ETV6: variants seen among roughly 807,000 people sequenced by gnomAD.
The protein encoded by ETV6 is ETS variant transcription factor 6.
Under a neutral mutation model 51.1 loss-of-function variants are expected in ETV6, and 16 were observed. The ratio of observed to expected loss-of-function variants is 0.31; its 90% CI spans 0.21 to 0.48. The LOEUF is 0.48. Among genes scored for constraint, ETV6 ranks in the 20% least tolerant of loss-of-function variants. ETV6 has a pLI of 0.99. For synonymous variants in ETV6, 240 were observed against 224.1 expected (o/e 1.07, Z -0.64); for missense variants, 458 against 594.8 (o/e 0.77, Z 2.39).
At chr12:11,828,425 A>T (rs915607343) in intron 2 of ETV6, among the ~76,000 whole-genome samples, 1 of 152,218 alleles carries the variant, frequency 6.6e-6, no homozygotes, top group Non-Finnish European at 1.5e-5. Context: ...AAGTGAGAAG[A>T]GGGCACCCTT....
chr12:11,680,786 C>T (rs1337514796), intron 1 of ETV6, among the ~76,000 whole-genome samples: 1 of 152,200 alleles, frequency 6.6e-6, no homozygotes, highest in African/African-American at 2.4e-5. Flanking sequence ...AAGCAGCCCT[C>T]TCCCTAGCCT....
chr12:11,681,555 C>T (rs1418921991), intron 1 of ETV6, among the ~76,000 whole-genome samples: 6 of 151,992 alleles, frequency 3.9e-5, no homozygotes, highest in South Asian at 2.1e-4. Context: ...TAAATTCTCA[C>T]GTTTTATTTA....
At chr12:11,804,043 C>G (rs555966132) in intron 2 of ETV6, among the ~76,000 whole-genome samples, 52 of 152,260 alleles carry the variant, frequency 3.4e-4, no homozygotes, top group African/African-American at 1.2e-3. Flanking sequence ...GAACTTTGGA[C>G]TCTTTGACAG....
At chr12:11,789,917 C>T (rs150625539) in intron 2 of ETV6, among the ~76,000 whole-genome samples, 165 of 152,262 alleles carry the variant, frequency 1.1e-3, no homozygotes, top group African/African-American at 3.9e-3. Flanking sequence ...TGTGCTAATC[C>T]TGATGCTCTT....
At chr12:11,863,644 AT>A (rs1946747966) in intron 4 of ETV6, among the ~76,000 whole-genome samples, 1 of 152,176 alleles carries the variant, frequency 6.6e-6, no homozygotes, top group South Asian at 2.1e-4. Context: ...GACCAAAAAA[AT>A]CTTCTTGTTT....
At chr12:11,667,542 T>TTC (rs1864217582) in intron 1 of ETV6, among the ~76,000 whole-genome samples, 1 of 151,806 alleles carries the variant, frequency 6.6e-6, no homozygotes, top group African/African-American at 2.4e-5. Flanking sequence ...ATTTTCTTTT[T>TTC]TTTTTTTTTA....
intron 3 of ETV6, among the ~76,000 whole-genome samples, chr12:11,849,250 A>G (rs1459974573): frequency 6.6e-6 from 1 of 151,962 alleles, no homozygotes; most frequent in African/African-American, 2.4e-5. Flanking sequence ...AGCCGGGACA[A>G]TGGGCACGCA....
At chr12:11,775,486 A>G (rs1351963963) in intron 2 of ETV6, among the ~76,000 whole-genome samples, 1 of 152,216 alleles carries the variant, frequency 6.6e-6, no homozygotes, top group Non-Finnish European at 1.5e-5. Context: ...TTGTATTTAC[A>G]TCTTCAGCAA....
chr12:11,858,541 C>G (rs1946666106), intron 4 of ETV6, among the ~76,000 whole-genome samples: 3 of 152,148 alleles, frequency 2.0e-5, no homozygotes, highest in Admixed American at 2.0e-4. Flanking sequence ...CAGAATCACC[C>G]CATGGGACTG....
Position 11,735,290 on chromosome 12 carries a change from A to G in ETV6, c.34-17160A>G, listed in dbSNP as rs1034423791. On this transcript the variant is annotated intron_variant, in intron 1 of 7. Coordinates refer to ENST00000396373, the MANE Select transcript of ETV6 (RefSeq NM_001987.5). ...GATAGAATAGGGTCACAGACCCCCA[A>G]TTGTATAAGCCTTTGGCTTCTTGAT... 6.6e-5 allele frequency among the ~76,000 whole-genome samples: 10 copies of G among 152,078 alleles called. No homozygotes were observed. The South Asian group carries it at 1.0e-3, about 16-fold the overall frequency.
chr12:11,729,423 G>C (rs574090512), intron 1 of ETV6, among the ~76,000 whole-genome samples: 17 of 152,294 alleles, frequency 1.1e-4, no homozygotes, highest in African/African-American at 3.4e-4. Context: ...GATCAGGTGG[G>C]GGGGACTGGG....
At chr12:11,800,372 C>G (rs1945728999) in intron 2 of ETV6, among the ~76,000 whole-genome samples, 2 of 152,178 alleles carry the variant, frequency 1.3e-5, no homozygotes, top group Admixed American at 1.3e-4. Context: ...CTAGATCAAG[C>G]TAATTAACAT....
chr12:11,775,622 C>T (rs1392356704), intron 2 of ETV6, among the ~76,000 whole-genome samples: 1 of 152,200 alleles, frequency 6.6e-6, no homozygotes, highest in Non-Finnish European at 1.5e-5. Flanking sequence ...ACTCCACCTA[C>T]CCCACCAGAT....
intron 2 of ETV6, among the ~76,000 whole-genome samples, chr12:11,762,834 A>T (rs1945108931): frequency 6.6e-6 from 1 of 152,234 alleles, no homozygotes; most frequent in African/African-American, 2.4e-5. Flanking sequence ...AGCAGCAGTG[A>T]TTCGTGACCA....
intron 1 of ETV6, among the ~76,000 whole-genome samples, chr12:11,708,249 G>C (rs1449791056): frequency 6.7e-6 from 1 of 148,652 alleles, no homozygotes; most frequent in Non-Finnish European, 1.5e-5. Flanking sequence ...GGGTTGGGGA[G>C]TCTCAGTGAA....
chr12:11,822,323 A>G (rs76660412), intron 2 of ETV6, among the ~76,000 whole-genome samples: 304 of 152,318 alleles, frequency 2.0e-3, no homozygotes, highest in African/African-American at 6.9e-3. Flanking sequence ...ATGATCATTC[A>G]GCCTGAAATG....
chr12:11,824,633 G>A (rs1225644635), intron 2 of ETV6, among the ~76,000 whole-genome samples: 2 of 152,174 alleles, frequency 1.3e-5, no homozygotes, highest in Admixed American at 1.3e-4. Flanking sequence ...ACAAAAATTA[G>A]CCGGGCGTGG....
intron 1 of ETV6, among the ~76,000 whole-genome samples, chr12:11,686,410 C>T (rs1160370587): frequency 6.6e-6 from 1 of 152,230 alleles, no homozygotes; most frequent in African/African-American, 2.4e-5. Context: ...CGGGAATTCA[C>T]TGTTCTGTCT....
At chr12:11,861,090 C>G (rs193239405) in intron 4 of ETV6, among the ~76,000 whole-genome samples, 6 of 152,254 alleles carry the variant, frequency 3.9e-5, no homozygotes. Flanking sequence ...CTCCATGACC[C>G]CTTTGGAACC....
Sources: allele counts gnomAD v4.1 joint callset (sites outside exome capture counted in the v4.1 genomes callset), GRCh38; gene constraint gnomAD v4.1.1; transcripts MANE v1.5; gene names NCBI Gene and HGNC (gene_info 2026-07-23, HGNC 2026-07-21).